Variants in OSBPL2 observed in about 807,000 individuals in gnomAD.
OSBPL2 encodes the protein oxysterol binding protein like 2, also known as oxysterol-binding protein-related protein 2.
Under a neutral mutation model 58.4 loss-of-function variants are expected in OSBPL2, and 18 were observed. That is an observed-to-expected ratio of 0.31 (90% CI 0.21 to 0.46). The LOEUF (loss-of-function observed/expected upper bound fraction) is 0.46, where lower values mean the gene tolerates loss of function less well. Among genes scored for constraint, OSBPL2 ranks in the 20% least tolerant of loss-of-function variants. OSBPL2 has a pLI of 1.00. For synonymous variants in OSBPL2, 221 were observed against 234.1 expected, an observed-to-expected ratio of 0.94 and a Z score of 0.51; for missense variants, 461 against 616.5, an observed-to-expected ratio of 0.75 and a Z score of 2.67.
At chr20:62,270,142 A>G (rs1330229466) in intron 4 of OSBPL2, among the ~76,000 whole-genome samples, 1 of 152,172 alleles carries the variant, frequency 6.6e-6, no homozygotes, top group African/African-American at 2.4e-5. Flanking sequence ...CACCCTGCGC[A>G]TGCAGTGCCT....
chr20:62,273,889 A>G (rs1189677527), intron 6 of OSBPL2, among the ~76,000 whole-genome samples: 2 of 152,224 alleles, frequency 1.3e-5, no homozygotes, highest in Non-Finnish European at 2.9e-5. Flanking sequence ...CAGCCTCCCC[A>G]GAGTTTTAGG....
intron 12 of OSBPL2, 79 bp downstream of exon 12, chr20:62,289,409 G>T: frequency 1.3e-6 from 2 of 1,515,642 alleles, no homozygotes; most frequent in East Asian, 4.8e-5. Context: ...AGCACTCGCT[G>T]GCAGAAGCCA....
chr20:62,292,523 G>A (rs75657994), intron 13 of OSBPL2, among the ~76,000 whole-genome samples: 5,762 of 152,346 alleles, frequency 0.038, 180 homozygotes, highest in African/African-American at 0.082. Context: ...TAAGCTGGCT[G>A]TAGTTTGTTC....
At chr20:62,275,260 A>T (rs1052187609) in intron 6 of OSBPL2, among the ~76,000 whole-genome samples, 2 of 152,228 alleles carry the variant, frequency 1.3e-5, no homozygotes, top group Non-Finnish European at 2.9e-5. Context: ...TGTGTTTCAA[A>T]ATATGATAAT....
At chr20:62,247,258 A>C (rs1261387587) in intron 1 of OSBPL2, among the ~76,000 whole-genome samples, 1 of 152,038 alleles carries the variant, frequency 6.6e-6, no homozygotes, top group African/African-American at 2.4e-5. Context: ...GGGATGGCTG[A>C]GCTTGCCTCT....
intron 7 of OSBPL2, chr20:62,280,276 G>C (rs1982695718): frequency 4.6e-6 from 2 of 437,764 alleles, no homozygotes; most frequent in South Asian, 4.0e-5. Flanking sequence ...TGGCTAGAAG[G>C]TTCCACAAGG....
At chr20:62,257,380 A>C (rs770415102) in intron 2 of OSBPL2, among the ~76,000 whole-genome samples, 13 of 152,190 alleles carry the variant, frequency 8.5e-5, no homozygotes, top group Non-Finnish European at 1.6e-4. Context: ...GGAGAAGGGG[A>C]TGATGCGCTC....
chr20:62,254,766 G>A (rs1051070706), intron 1 of OSBPL2, among the ~76,000 whole-genome samples: 4 of 152,226 alleles, frequency 2.6e-5, no homozygotes, highest in Admixed American at 6.5e-5. Context: ...TTCTCTTGTC[G>A]TTCATCAAAC....
intron 4 of OSBPL2, among the ~76,000 whole-genome samples, chr20:62,264,447 C>T (rs781091867): frequency 1.1e-4 from 17 of 152,316 alleles, no homozygotes; most frequent in African/African-American, 2.2e-4. Context: ...CCTCCTGTAC[C>T]GTGCTGGTTC....
At chr20:62,271,623 T>G (rs1982063828) in intron 4 of OSBPL2, 1 of 154,776 alleles carries the variant, frequency 6.5e-6, no homozygotes, top group Non-Finnish European at 1.4e-5. Flanking sequence ...AGCTAATTTT[T>G]GAATTTTTAG....
intron 3 of OSBPL2, 41 bp from the exon 4 acceptor site, chr20:62,263,575 G>T: frequency 6.6e-7 from 1 of 1,511,836 alleles, no homozygotes; most frequent in Non-Finnish European, 9.2e-7. Context: ...TCAGAGTCCT[G>T]TGTTGAATTC....
At position 62,288,225 on chromosome 20, in the gene OSBPL2, C is replaced by T. The variant is rs1213335664; in HGVS notation, c.1126-982C>T. Among the ~76,000 whole-genome samples, 1 of 152,082 alleles carries T rather than the reference C, an allele frequency of 6.6e-6. No homozygotes were observed. The highest frequency in any genetic ancestry group is 6.5e-5 in the Admixed American group (1 of 15,270). On this transcript the variant is annotated intron_variant, in intron 11 of 13. Coordinates refer to ENST00000313733, the MANE Select transcript of OSBPL2 (RefSeq NM_144498.4). This position sits in a 1 kb window ranked among gnomAD's most constrained non-coding sequence, Gnocchi z 4.8. The stretch of plus-strand genomic sequence containing the variant: ...CAGGAGTCATTTGAGCAGGGGGTGA[C>T]GGGTGCTGTTGATGTTTCCTGTGGC...
intron 12 of OSBPL2, 110 bp downstream of exon 12, chr20:62,289,440 G>GCC (rs1266337071): frequency 1.5e-6 from 2 of 1,307,164 alleles, no homozygotes; most frequent in Non-Finnish European, 2.1e-6. Flanking sequence ...TACAAGGGGA[G>GCC]CCCCGTCCCT....
intron 1 of OSBPL2, among the ~76,000 whole-genome samples, chr20:62,245,233 G>T (rs551474578): frequency 6.6e-6 from 1 of 152,220 alleles, no homozygotes; most frequent in East Asian, 1.9e-4. Context: ...TGAGTAGCTG[G>T]GACTACAGGC....
rs1187486327 is a variant in OSBPL2 at position 62,288,434 on chromosome 20, G to A, written c.1126-773G>A. Among the ~76,000 whole-genome samples the A allele has an allele frequency of 1.3e-5, 2 of 151,364 alleles. No individual in the cohort carries two copies. The highest frequency in any genetic ancestry group is 2.1e-4 in the South Asian group (1 of 4,786). ...GTGGGTGCAGAGGCTGGGAGGCTAT[G>A]GGTGCAGAGGCTGGGAGGCTGTGGG... On this transcript the variant is annotated intron_variant, in intron 11 of 13. Transcript: ENST00000313733. This position sits in a 1 kb window ranked among gnomAD's most constrained non-coding sequence, Gnocchi z 4.8.
At chr20:62,289,138 G>C (rs1983326216) in intron 11 of OSBPL2, 69 bp from the exon 12 acceptor site, 1 of 1,567,600 alleles carries the variant, frequency 6.4e-7, no homozygotes, top group Non-Finnish European at 8.7e-7. Context: ...GGGCCCACTG[G>C]GGGTCTTGGA....
At chr20:62,271,927 G>A (rs1235767464) in intron 4 of OSBPL2, among the ~76,000 whole-genome samples, 198 bp from the exon 5 acceptor site, 1 of 152,200 alleles carries the variant, frequency 6.6e-6, no homozygotes, top group Admixed American at 6.5e-5. Flanking sequence ...CACAGATTGT[G>A]TGTCAGGTCT....
intron 1 of OSBPL2, among the ~76,000 whole-genome samples, chr20:62,241,239 C>T (rs548041982): frequency 3.6e-4 from 54 of 151,914 alleles, no homozygotes; most frequent in African/African-American, 1.2e-3. Context: ...GGCGCGAACT[C>T]GGCTCACTGC....
At chr20:62,253,194 C>A (rs1015998423) in intron 1 of OSBPL2, among the ~76,000 whole-genome samples, 1 of 152,238 alleles carries the variant, frequency 6.6e-6, no homozygotes, top group South Asian at 2.1e-4. Context: ...CACCTGTGTG[C>A]CTTGTTCATC....
Sources: gnomAD v4.1 joint callset for allele counts (sites outside exome capture counted in the v4.1 genomes callset) on GRCh38, gnomAD v4.1.1 for gene constraint, Gnocchi (gnomAD v3.1) non-coding constraint, MANE v1.5 for transcripts, NCBI Gene and HGNC (gene_info 2026-07-23, HGNC 2026-07-21) for gene names.